The following RAPGEF2 variants were observed in gnomAD, a reference collection of about 807,000 sequenced individuals.
RAPGEF2 encodes the protein Rap guanine nucleotide exchange factor 2, also known as PDZ domain containing guanine nucleotide exchange factor (GEF) 1.
A neutral mutation model predicts 186.7 loss-of-function variants in RAPGEF2; 54 were observed. That is an observed-to-expected ratio of 0.29 (90% CI 0.23 to 0.36). The LOEUF (loss-of-function observed/expected upper bound fraction) is 0.36, where lower values mean the gene tolerates loss of function less well. Ranked by LOEUF, RAPGEF2 falls within the 10% of genes least tolerant of loss-of-function variation. The probability of loss-of-function intolerance (pLI) is 1.00; values close to 1 mark genes in which losing one functional copy is unlikely to be tolerated. For synonymous variants in RAPGEF2, 712 were observed against 705.9 expected (o/e 1.01, Z -0.14); for missense variants, 1,532 against 2,045.0 (o/e 0.75, Z 4.84).
chr4:159,150,366 T>G (rs748083352), intron 1 of RAPGEF2, among the ~76,000 whole-genome samples: 1 of 152,182 alleles, frequency 6.6e-6, no homozygotes, highest in African/African-American at 2.4e-5. Flanking sequence ...ATACGGTTGA[T>G]TCATCAACAT....
intron 7 of RAPGEF2, among the ~76,000 whole-genome samples, chr4:159,268,387 A>G (rs1757698016): frequency 6.6e-6 from 1 of 152,158 alleles, no homozygotes; most frequent in African/African-American, 2.4e-5. Context: ...CCAATGTTGT[A>G]ATTTTTAAAA....
rs897760574 is a variant in RAPGEF2 at position 159,345,154 on chromosome 4, G to A, written c.3327G>A (p.Gln1109=). 6.2e-7 allele frequency: 1 copy of A among 1,614,046 alleles called. No homozygotes were observed. The highest frequency in any genetic ancestry group is 1.3e-5 in the African/African-American group (1 of 74,938). ...STNATVLDVA[Q]TGGHKKRVRR... ...ATGCAACAGTGCTAGATGTTGCTCA[G>A]ACAGGTGGTCATAAAAAGCGGGTAC... Residue 1109 remains glutamine (Q), a synonymous_variant, in exon 24 of 30, where the codon CAG becomes CAA. Transcript: ENST00000691494.
intron 7 of RAPGEF2, among the ~76,000 whole-genome samples, chr4:159,251,193 A>T (rs1441972374): frequency 6.6e-6 from 1 of 152,200 alleles, no homozygotes; most frequent in African/African-American, 2.4e-5. Context: ...CGGGACCTGC[A>T]GCCCGCCATG....
chr4:159,251,053 G>T (rs972288800), intron 7 of RAPGEF2, among the ~76,000 whole-genome samples: 8 of 152,208 alleles, frequency 5.3e-5, no homozygotes, highest in Non-Finnish European at 8.8e-5. Context: ...GCAGTGAGGG[G>T]CTTAGCACCT....
intron 4 of RAPGEF2, among the ~76,000 whole-genome samples, chr4:159,226,975 CAT>C (rs946380091): frequency 3.9e-4 from 60 of 152,276 alleles, no homozygotes; most frequent in African/African-American, 1.4e-3. Context: ...CTTTCTTGCA[CAT>C]GTGTTCTTTT....
At chr4:159,251,223 G>A (rs546012574) in intron 7 of RAPGEF2, among the ~76,000 whole-genome samples, 24 of 152,324 alleles carry the variant, frequency 1.6e-4, no homozygotes, top group East Asian at 5.8e-4. Context: ...CCCACCCTCC[G>A]TGGGCTCCCG....
intron 7 of RAPGEF2, among the ~76,000 whole-genome samples, chr4:159,268,417 A>G (rs758161292): frequency 1.1e-4 from 16 of 152,198 alleles, no homozygotes; most frequent in Non-Finnish European, 1.9e-4. Flanking sequence ...AAGACCAGCA[A>G]TTTATTTAAA....
At chr4:159,267,698 A>G (rs1757583212) in intron 7 of RAPGEF2, 2 of 962,280 alleles carry the variant, frequency 2.1e-6, no homozygotes, top group Non-Finnish European at 2.5e-6. Flanking sequence ...GCTGAATGCT[A>G]GAGCCTGGTT....
In RAPGEF2 at chr4:159,358,757, G is replaced by A. The variant is rs904005638; in HGVS notation, c.*618G>A. ...ATTACAGTATTATTTTAAACCTTAA[G>A]TAGGGTTGCCAGCCTGGTTTCTGAA... On this transcript the variant is annotated 3_prime_UTR_variant, in exon 30 of 30. Transcript: ENST00000691494. 1.3e-5 allele frequency: 2 copies of A among 152,156 alleles called. No individual in the cohort carries two copies. Among genetic ancestry groups the A allele is most frequent in the African/African-American group, 4.8e-5 (2 of 41,436 alleles). The allele number at this position is 152,156 out of a possible 1,614,324, so 9.4% of individuals were successfully genotyped here.
intron 1 of RAPGEF2, among the ~76,000 whole-genome samples, chr4:159,123,910 C>G (rs997544774): frequency 3.9e-5 from 6 of 152,130 alleles, no homozygotes; most frequent in Non-Finnish European, 1.5e-5. Context: ...GGCTGGAGTG[C>G]AGTGGCGTGT....
At chr4:159,114,462 C>T (rs1738829530) in intron 1 of RAPGEF2, among the ~76,000 whole-genome samples, 1 of 152,080 alleles carries the variant, frequency 6.6e-6, no homozygotes, top group Admixed American at 6.6e-5. Flanking sequence ...GTCTTGAACT[C>T]CTGGGCTCAA....
chr4:159,282,554 C>T (rs769771046), intron 7 of RAPGEF2: 29 of 421,334 alleles, frequency 6.9e-5, no homozygotes, highest in Admixed American at 1.1e-4. Context: ...TATGTGGATA[C>T]AAATTCTATG....
chr4:159,237,741 G>A (rs1753434935), intron 4 of RAPGEF2, among the ~76,000 whole-genome samples: 1 of 146,986 alleles, frequency 6.8e-6, no homozygotes, highest in Non-Finnish European at 1.5e-5. Flanking sequence ...GCTCACATCT[G>A]TAATCCCAGA....
chr4:159,198,125 T>C (rs2111330598), intron 3 of RAPGEF2, among the ~76,000 whole-genome samples: 1 of 152,286 alleles, frequency 6.6e-6, no homozygotes, highest in Admixed American at 6.5e-5. Flanking sequence ...TCACAGTAAA[T>C]TGTTTGAAAA....
intron 7 of RAPGEF2, among the ~76,000 whole-genome samples, chr4:159,250,881 G>A (rs1579609061): frequency 6.6e-6 from 1 of 152,164 alleles, no homozygotes; most frequent in Non-Finnish European, 1.5e-5. Flanking sequence ...TGGGCTGGGC[G>A]TGGCCGGAGC....
chr4:159,131,594 T>C (rs1273644544), intron 1 of RAPGEF2, among the ~76,000 whole-genome samples: 1 of 146,612 alleles, frequency 6.8e-6, no homozygotes, highest in Admixed American at 7.1e-5. Flanking sequence ...CTATTTGGAG[T>C]TTTTACTAGT....
At chr4:159,352,285 ATTGAAAACTG>A (rs1308973938) in intron 26 of RAPGEF2, among the ~76,000 whole-genome samples, 4 of 152,228 alleles carry the variant, frequency 2.6e-5, no homozygotes, top group East Asian at 1.9e-4. Context: ...AGTTCTAAAA[ATTGAAAACTG>A]TTGAAAACAA....
At chr4:159,122,038 C>CAAAAAAAAA (rs70962654) in intron 1 of RAPGEF2, among the ~76,000 whole-genome samples, 6 of 51,438 alleles carry the variant, frequency 1.2e-4, no homozygotes, top group Admixed American at 2.9e-4. Context: ...GACTCCATCT[C>CAAAAAAAAA]AAAAAAAAAA....
At chr4:159,131,519 A>ATTGGTTTTTTTTTT in intron 1 of RAPGEF2, among the ~76,000 whole-genome samples, 1 of 37,212 alleles carries the variant, frequency 2.7e-5, no homozygotes, top group African/African-American at 1.2e-4. Context: ...ATTAATTGCT[A>ATTGGTTTTTTTTTT]TTTTTTTTTT....
Sources: gnomAD v4.1 joint callset for allele counts (sites outside exome capture counted in the v4.1 genomes callset) on GRCh38, gnomAD v4.1.1 for gene constraint, MANE v1.5 for transcripts, NCBI Gene and HGNC (gene_info 2026-07-23, HGNC 2026-07-21) for gene names.